Variants in ADGRL3 observed in about 807,000 individuals in gnomAD.
ADGRL3 encodes calcium-independent alpha-latrotoxin receptor 3.
In ADGRL3, 62 loss-of-function variants were observed where a neutral mutation model predicts 153.5. That is an observed-to-expected ratio of 0.40 (90% CI 0.33 to 0.50). ADGRL3 has a LOEUF of 0.50. Ranked by LOEUF, ADGRL3 falls within the 20% of genes least tolerant of loss-of-function variation. The pLI, the probability that ADGRL3 is intolerant of heterozygous loss-of-function variation, is 0.47. For missense variants in ADGRL3, 1,641 were observed against 1,859.4 expected, an observed-to-expected ratio of 0.88 and a Z score of 2.16; for synonymous variants, 710 against 672.5, an observed-to-expected ratio of 1.06 and a Z score of -0.86.
chr4:61,466,162 C>G (rs548678781), intron 2 of ADGRL3, among the ~76,000 whole-genome samples: 1 of 152,070 alleles, frequency 6.6e-6, no homozygotes, highest in East Asian at 1.9e-4. Flanking sequence ...AACAAACAAT[C>G]CAACTCACTT....
At chr4:61,606,600 AT>A (rs1319252818) in intron 5 of ADGRL3, among the ~76,000 whole-genome samples, 1 of 152,078 alleles carries the variant, frequency 6.6e-6, no homozygotes, top group Non-Finnish European at 1.5e-5. Flanking sequence ...TTATGACCTT[AT>A]TTAACCTCGT....
At chr4:61,896,972 C>T (rs773362465) in intron 11 of ADGRL3, among the ~76,000 whole-genome samples, 1 of 152,168 alleles carries the variant, frequency 6.6e-6, no homozygotes, top group Non-Finnish European at 1.5e-5. Context: ...AATAATAATT[C>T]TTCTAGAAAA....
chr4:61,713,267 A>G (rs2096036985), intron 6 of ADGRL3, among the ~76,000 whole-genome samples: 1 of 151,978 alleles, frequency 6.6e-6, no homozygotes, highest in African/African-American at 2.4e-5. Context: ...TTGTGTGACA[A>G]GCACTGAGTA....
chr4:61,227,839 C>T (rs1388291349), intron 1 of ADGRL3, among the ~76,000 whole-genome samples: 1 of 152,178 alleles, frequency 6.6e-6, no homozygotes, highest in Non-Finnish European at 1.5e-5. Context: ...TGCTCTGTAG[C>T]ATCTGGGCTG....
chr4:61,316,685 G>T (rs1470514969), intron 1 of ADGRL3, among the ~76,000 whole-genome samples: 1 of 152,132 alleles, frequency 6.6e-6, no homozygotes, highest in Non-Finnish European at 1.5e-5. Context: ...GATAGATAAT[G>T]ATAAGTTGCT....
intron 3 of ADGRL3, among the ~76,000 whole-genome samples, chr4:61,507,458 T>C (rs983200151): frequency 6.6e-6 from 1 of 152,174 alleles, no homozygotes; most frequent in Non-Finnish European, 1.5e-5. Flanking sequence ...ACATCCAACA[T>C]AACATAATCG....
rs762986878 is a variant in ADGRL3 at position 61,733,448 on chromosome 4, C to T, written c.1293C>T (p.Tyr431=). 2.5e-6 allele frequency: 4 copies of T among 1,613,540 alleles called. No individual in the cohort carries two copies. The highest frequency in any genetic ancestry group is 1.1e-5 in the South Asian group (1 of 91,060). Residue 431 remains tyrosine, a synonymous_variant, in exon 8 of 27, where the codon TAC becomes TAT. Transcript: ENST00000683033. ...TACCCTTTCCTAATTCATACCAGTA[C>T]ATTGCAGCTGTGGATTACAACCCCA... The part of the protein sequence containing the change: ...VDVPFPNSYQ[Y]IAAVDYNPRD...
At chr4:61,418,003 G>C (rs989480686) in intron 2 of ADGRL3, among the ~76,000 whole-genome samples, 27 of 152,212 alleles carry the variant, frequency 1.8e-4, no homozygotes, top group African/African-American at 6.3e-4. Flanking sequence ...ACAAGGGGAG[G>C]AGAGGCTTCT....
chr4:61,226,185 T>C (rs1297157135), intron 1 of ADGRL3, among the ~76,000 whole-genome samples: 2 of 152,232 alleles, frequency 1.3e-5, no homozygotes, highest in African/African-American at 4.8e-5. Flanking sequence ...CAGTTACAAT[T>C]ATCCTGCCTT....
intron 5 of ADGRL3, among the ~76,000 whole-genome samples, chr4:61,627,018 T>A (rs2092872153): frequency 1.3e-5 from 2 of 152,112 alleles, no homozygotes; most frequent in African/African-American, 4.8e-5. Flanking sequence ...AATAAGAGTA[T>A]ACTTCATCAA....
chr4:61,951,546 TGATA>T (rs1315544007), intron 17 of ADGRL3, among the ~76,000 whole-genome samples: 1 of 152,178 alleles, frequency 6.6e-6, no homozygotes, highest in Non-Finnish European at 1.5e-5. Context: ...TCTATGTGGA[TGATA>T]GATGTCAATT....
chr4:61,763,353 AT>A (rs537127320), intron 8 of ADGRL3, among the ~76,000 whole-genome samples: 2,655 of 142,158 alleles, frequency 0.019, 55 homozygotes, highest in African/African-American at 0.052. Flanking sequence ...ATGTCCAGCT[AT>A]TTTTTTTTTT....
intron 4 of ADGRL3, chr4:61,579,542 G>T: frequency 4.0e-6 from 2 of 496,514 alleles, no homozygotes; most frequent in Non-Finnish European, 7.9e-6. Context: ...CAATCCTCAG[G>T]TAGACGATTT....
chr4:62,042,591 A>G, intron 24 of ADGRL3, among the ~76,000 whole-genome samples: 1 of 151,876 alleles, frequency 6.6e-6, no homozygotes, highest in Non-Finnish European at 1.5e-5. Flanking sequence ...GATTAATAGG[A>G]GATGAGATAA....
chr4:62,008,403 G>A (rs1271212022), intron 21 of ADGRL3, among the ~76,000 whole-genome samples: 1 of 152,058 alleles, frequency 6.6e-6, no homozygotes, highest in Non-Finnish European at 1.5e-5. Flanking sequence ...ACAAGCGAAG[G>A]CTGATCTTAT....
intron 4 of ADGRL3, among the ~76,000 whole-genome samples, chr4:61,565,615 G>A (rs2098813170): frequency 6.6e-6 from 1 of 151,696 alleles, no homozygotes; most frequent in South Asian, 2.1e-4. Context: ...TTGGCTTACT[G>A]CAACCTCTGC....
chr4:61,296,103 G>A (rs758844294), intron 1 of ADGRL3, among the ~76,000 whole-genome samples: 5 of 152,196 alleles, frequency 3.3e-5, no homozygotes, highest in Non-Finnish European at 7.3e-5. Context: ...GTATGAATGT[G>A]TGCAATTTAT....
intron 2 of ADGRL3, among the ~76,000 whole-genome samples, chr4:61,458,263 AT>A (rs1316963889): frequency 6.6e-6 from 1 of 151,442 alleles, no homozygotes; most frequent in African/African-American, 2.4e-5. Flanking sequence ...AATATGAAAA[AT>A]GAAAAACTTA....
At chr4:61,523,629 G>A (rs970963289) in intron 4 of ADGRL3, among the ~76,000 whole-genome samples, 46 of 152,008 alleles carry the variant, frequency 3.0e-4, no homozygotes, top group African/African-American at 1.1e-3. Flanking sequence ...GTCAGTTATT[G>A]AGATTTTTTT....
Sources: allele counts gnomAD v4.1 joint callset (sites outside exome capture counted in the v4.1 genomes callset), GRCh38; gene constraint gnomAD v4.1.1; transcripts MANE v1.5; gene names NCBI Gene and HGNC (gene_info 2026-07-23, HGNC 2026-07-21).